Variants in HAUS6 observed in about 807,000 individuals in gnomAD.
The protein encoded by HAUS6 is HAUS augmin like complex subunit 6.
Under a neutral mutation model 106.8 loss-of-function variants are expected in HAUS6, and 80 were observed. The ratio of observed to expected loss-of-function variants is 0.75; its 90% CI spans 0.63 to 0.90. HAUS6 has a LOEUF of 0.90. Ranked by LOEUF, HAUS6 falls within the 40% of genes least tolerant of loss-of-function variation. The probability of loss-of-function intolerance (pLI) is 0.00; values close to 1 mark genes in which losing one functional copy is unlikely to be tolerated. For synonymous variants in HAUS6, 356 were observed against 379.1 expected, an observed-to-expected ratio of 0.94 and a Z score of 0.71; for missense variants, 1,155 against 1,118.1, an observed-to-expected ratio of 1.03 and a Z score of -0.47.
At chr9:19,099,725 A>G (rs2031691635) in intron 1 of HAUS6, among the ~76,000 whole-genome samples, 1 of 152,214 alleles carries the variant, frequency 6.6e-6, no homozygotes, top group Non-Finnish European at 1.5e-5. Context: ...CCTTCTGAGT[A>G]GCTGGATTTA....
chr9:19,056,194 T>G lies in HAUS6; in HGVS notation c.*149A>C. ...AACATACTTTCCTTACCTAAAAATA[T>G]TAAAGAAGGCTAAAAGGCATTAGGA... On this transcript the variant is annotated 3_prime_UTR_variant, in exon 17 of 17. Transcript: ENST00000380502. The G allele has an allele frequency of 1.9e-6, 1 of 518,158 alleles. No homozygotes were observed. The highest frequency in any genetic ancestry group is 3.5e-6 in the Non-Finnish European group (1 of 289,796). The allele number at this position is 518,158 out of a possible 1,614,324, so 32.1% of individuals were successfully genotyped here.
In HAUS6 at chr9:19,094,365, A is replaced by C; in HGVS notation, c.255T>G (p.Ser85Arg). ...KFCWPPFDQKSDTEFRKHCCE... is the reference protein window; with the variant it reads ...KFCWPPFDQKRDTEFRKHCCE... ...AGCAATGTTTTCGGAATTCAGTGTC[A>C]CTTTTTTGGTCAAATGGGGGCCAAC... Residue 85 changes from serine (S) to arginine (R), a missense_variant, in exon 3 of 17, where the codon AGT becomes AGG. This residue lies in a region of HAUS6 where 761 missense variants were observed against 690.0 expected (regional missense o/e 1.10). Coordinates refer to ENST00000380502, the MANE Select transcript of HAUS6 (RefSeq NM_017645.5). 6.2e-7 allele frequency: 1 copy of C among 1,609,274 alleles called. No homozygotes were observed. Among genetic ancestry groups the C allele is most frequent in the African/African-American group, 1.3e-5 (1 of 74,882 alleles).
At chr9:19,076,027 G>A (rs948112378) in intron 11 of HAUS6, among the ~76,000 whole-genome samples, 2 of 151,180 alleles carry the variant, frequency 1.3e-5, no homozygotes, top group Admixed American at 1.3e-4. Context: ...AAATGGAAGT[G>A]ACTGATTAGT....
chr9:19,099,103 A>G (rs1401076440), intron 1 of HAUS6, among the ~76,000 whole-genome samples: 2 of 151,450 alleles, frequency 1.3e-5, no homozygotes, highest in Non-Finnish European at 2.9e-5. Context: ...TGCAAACCAA[A>G]GAGAACGTAT....
chr9:19,062,474 T>A (rs1836646255), intron 14 of HAUS6, among the ~76,000 whole-genome samples: 1 of 152,210 alleles, frequency 6.6e-6, no homozygotes. Flanking sequence ...GGGAAGTGGG[T>A]TCTAAACCAC....
In HAUS6 at chr9:19,055,120, G is replaced by T. The variant is rs1287287800; in HGVS notation, c.*1223C>A. On this transcript the variant is annotated 3_prime_UTR_variant, in exon 17 of 17. Transcript: ENST00000380502. ...AGGACAACCAACTTAGAGAAAGGCA[G>T]CCCAAGATAAAAGAAATAACTATTA... 2.6e-5 allele frequency: 4 copies of T among 152,348 alleles called. No homozygotes were observed. Among genetic ancestry groups the T allele is most frequent in the African/African-American group, 9.6e-5 (4 of 41,584 alleles). 9.4% of individuals were successfully genotyped at this position (152,348 alleles called of 1,614,324 possible). A position where few individuals can be genotyped will look rare whatever the true frequency, so the allele number is the denominator to read the frequency against.
intron 2 of HAUS6, among the ~76,000 whole-genome samples, chr9:19,095,547 G>A (rs1008229916): frequency 3.4e-5 from 5 of 147,520 alleles, no homozygotes; most frequent in Non-Finnish European, 3.0e-5. Context: ...TTGGACAGAA[G>A]AAACCCTATA....
chr9:19,089,330 T>C, intron 5 of HAUS6, 82 bp downstream of exon 5: 1 of 852,992 alleles, frequency 1.2e-6, no homozygotes, highest in East Asian at 2.5e-5. Flanking sequence ...CAGGTAGGCA[T>C]GGATTATTTC....
intron 1 of HAUS6, among the ~76,000 whole-genome samples, chr9:19,099,611 G>A (rs1817944512): frequency 6.6e-6 from 1 of 152,062 alleles, no homozygotes; most frequent in South Asian, 2.1e-4. Context: ...ATTAACAGGT[G>A]TGAACCACCA....
chr9:19,058,388 A>C lies in HAUS6; in HGVS notation c.2379T>G (p.Ser793Arg), dbSNP rs1836528075. 6.8e-6 allele frequency: 11 copies of C among 1,613,884 alleles called. No homozygotes were observed. The highest frequency in any genetic ancestry group is 9.3e-6 in the Non-Finnish European group (11 of 1,179,844). Residue 793 changes from serine to arginine, a missense_variant, in exon 16 of 17, where the codon AGT (serine) becomes AGG (arginine). Coordinates refer to ENST00000380502, the MANE Select transcript of HAUS6 (RefSeq NM_017645.5). Reference sequence around the variant, plus strand: ...CCAGTTTAAAATTGGCCTCTGAACTACTGGAACTATTAAAACTTAGATGAC... The same window carrying C: ...CCAGTTTAAAATTGGCCTCTGAACTCCTGGAACTATTAAAACTTAGATGAC... Reference protein sequence around the residue: ...EVGHLSFNSSSSSEANFKLEP... With the variant: ...EVGHLSFNSSRSSEANFKLEP...
At chr9:19,078,469 AC>A (rs1837060198) in intron 9 of HAUS6, among the ~76,000 whole-genome samples, 167 bp from the exon 10 acceptor site, 1 of 152,166 alleles carries the variant, frequency 6.6e-6, no homozygotes, top group South Asian at 2.1e-4. Flanking sequence ...AATATTCAGA[AC>A]CTAAAATACC....
chr9:19,086,950 A>G (rs1009439481), intron 6 of HAUS6, 141 bp downstream of exon 6: 22 of 626,436 alleles, frequency 3.5e-5, no homozygotes, highest in Admixed American at 3.4e-4. Flanking sequence ...ATTAGCAGTC[A>G]TAACTATGCT....
At chr9:19,061,044 A>G (rs1836605036) in intron 14 of HAUS6, among the ~76,000 whole-genome samples, 1 of 152,200 alleles carries the variant, frequency 6.6e-6, no homozygotes, top group African/African-American at 2.4e-5. Context: ...CATGCCTGTA[A>G]TTCCAGCTAC....
chr9:19,068,193 T>C (rs1203618543), intron 12 of HAUS6, among the ~76,000 whole-genome samples: 1 of 152,112 alleles, frequency 6.6e-6, no homozygotes, highest in Admixed American at 6.6e-5. Flanking sequence ...TAGCCTGCCA[T>C]AAAAAGAACT....
chr9:19,078,149 G>C, intron 10 of HAUS6, 27 bp downstream of exon 10: 26 of 1,577,044 alleles, frequency 1.6e-5, no homozygotes, highest in Non-Finnish European at 2.2e-5. Flanking sequence ...GTGGCGGGGA[G>C]GGCAGGGGCA....
At chr9:19,080,162 G>A (rs941216378) in intron 9 of HAUS6, among the ~76,000 whole-genome samples, 12 of 89,638 alleles carry the variant, frequency 1.3e-4, no homozygotes, top group African/African-American at 3.0e-4. Context: ...CAACGAGAGC[G>A]AAACTCCGTC....
intron 1 of HAUS6, among the ~76,000 whole-genome samples, chr9:19,099,165 T>G (rs1361162706): frequency 6.8e-6 from 1 of 146,982 alleles, no homozygotes; most frequent in Non-Finnish European, 1.5e-5. Flanking sequence ...TTGTTTGTTT[T>G]TTTGTGTTTT....
At chr9:19,068,714 T>C (rs1336648493) in intron 12 of HAUS6, among the ~76,000 whole-genome samples, 1 of 144,918 alleles carries the variant, frequency 6.9e-6, no homozygotes, top group African/African-American at 2.5e-5. Context: ...AAAAAACAAT[T>C]AAAAAAAAAA....
chr9:19,090,592 T>G (rs1040866515), intron 4 of HAUS6, among the ~76,000 whole-genome samples: 11 of 152,162 alleles, frequency 7.2e-5, no homozygotes, highest in African/African-American at 2.7e-4. Flanking sequence ...CTTGATCTCC[T>G]GGCCTCATGA....
Sources: gnomAD v4.1 joint callset for allele counts (sites outside exome capture counted in the v4.1 genomes callset) on GRCh38, gnomAD v4.1.1 for gene constraint, gnomAD v4.1.1 regional missense constraint, MANE v1.5 for transcripts, NCBI Gene and HGNC (gene_info 2026-07-23, HGNC 2026-07-21) for gene names.